The following POLG variants were observed in gnomAD, a reference collection of about 807,000 sequenced individuals.
The protein encoded by POLG is DNA polymerase gamma, catalytic subunit.
A neutral mutation model predicts 155.4 loss-of-function variants in POLG; 110 were observed. The observed-to-expected ratio is 0.71, with a 90% CI of 0.61 to 0.83. POLG has a LOEUF of 0.83. Ranked by LOEUF, POLG falls within the 40% of genes least tolerant of loss-of-function variation. The pLI, the probability that POLG is intolerant of heterozygous loss-of-function variation, is 0.00. For missense variants in POLG, 1,685 were observed against 1,627.5 expected, an observed-to-expected ratio of 1.04 and a Z score of -0.61; for synonymous variants, 701 against 631.5, an observed-to-expected ratio of 1.11 and a Z score of -1.65.
At chr15:89,317,961 G>A in intron 21 of POLG, 1 of 304,164 alleles carries the variant, frequency 3.3e-6, no homozygotes, top group Non-Finnish European at 6.4e-6. Context: ...ATAGATCATG[G>A]TTCCCAAACT....
chr15:89,329,854 G>A (rs941542692), intron 3 of POLG, among the ~76,000 whole-genome samples: 1 of 152,144 alleles, frequency 6.6e-6, no homozygotes, highest in African/African-American at 2.4e-5. Context: ...CAGAGACGAA[G>A]GCCATTATTA....
At position 89,319,049 on chromosome 15, in the gene POLG, C is replaced by A. The variant is rs769328030; in HGVS notation, c.3155G>T (p.Gly1052Val). The change falls in exon 20 of 23, where the codon GGC (glycine) becomes GTC (valine). Residue 1052 changes from glycine (G) to valine (V), a missense_variant. Transcript: ENST00000268124. ...CTTATTGAACATTTCTGACTCTGTG[C>A]CCCCCTTCCATGCCCGTTCAGCAAC... ...EVVAERAWKG[G>V]TESEMFNKLE... 1 of 1,614,054 alleles carries A rather than the reference C, an allele frequency of 6.2e-7. No homozygotes were observed. The highest frequency in any genetic ancestry group is 1.7e-5 in the Admixed American group (1 of 60,022).
In POLG at chr15:89,320,904, A is replaced by G; in HGVS notation, c.2843T>C (p.Ile948Thr). The change falls in exon 18 of 23, where the codon ATC becomes ACC. Residue 948 changes from isoleucine (I) to threonine (T), a missense_variant. This residue lies in a region of POLG where 470 missense variants were observed against 439.9 expected (regional missense o/e 1.07). Transcript: ENST00000268124. The part of the protein sequence containing the change: ...TVGISREHAK[I>T]FNYGRIYGAG... ...ACCATAGATGCGGCCGTAGTTGAAG[A>G]TTTTGGCATGCTCACGGCTGATGCC... 1.2e-6 allele frequency: 2 copies of G among 1,613,992 alleles called. No homozygotes were observed. Among genetic ancestry groups the G allele is most frequent in the African/African-American group, 1.3e-5 (1 of 75,048 alleles).
At chr15:89,324,341 T>A in intron 10 of POLG, 114 bp from the exon 11 acceptor site, 1 of 1,235,132 alleles carries the variant, frequency 8.1e-7, no homozygotes, top group Non-Finnish European at 1.2e-6. Flanking sequence ...GAATCAGCTC[T>A]GAGGCAGAAC....
chr15:89,318,927 A>G lies in POLG; in HGVS notation c.3273+4T>C. ...CTGCCCATGCTCCAAAGGTAGCAAG[A>G]TACCTCTTCCTGGACAGCCGAGGGC... On this transcript the variant is annotated splice_donor_region_variant and intron_variant, in intron 20 of 22. Transcript: ENST00000268124. 6.2e-7 allele frequency: 1 copy of G among 1,614,090 alleles called. No homozygotes were observed. Among genetic ancestry groups the G allele is most frequent in the Non-Finnish European group, 8.5e-7 (1 of 1,179,996 alleles).
chr15:89,321,838 A>C lies in POLG; in HGVS notation c.2496T>G (p.Asp832Glu), dbSNP rs762985241. 2.4e-5 allele frequency: 39 copies of C among 1,613,822 alleles called. No individual in the cohort carries two copies. Among genetic ancestry groups the C allele is most frequent in the Non-Finnish European group, 3.1e-5 (37 of 1,179,826 alleles). ...GGATGGCCCCATAGAGGCCTTCCTC[A>C]TCATAGTCGGGGTGCCTGGTGGGGT... is the stretch of plus-strand genomic sequence containing the variant. ...PRAVIRHPDY[D>E]EEGLYGAILP... Residue 832 changes from aspartate to glutamate, a missense_variant, in exon 16 of 23, where the codon GAT becomes GAG. By Grantham distance (45) the Asp-to-Glu change is conservative. Around this residue, in one of 3 missense-constraint regions of POLG, gnomAD observed 1,210 missense variants for 1,167.1 expected, o/e 1.04. Transcript: ENST00000268124.
chr15:89,323,071 G>A (rs557453297), intron 13 of POLG, among the ~76,000 whole-genome samples, 169 bp from the exon 14 acceptor site: 7 of 152,266 alleles, frequency 4.6e-5, no homozygotes, highest in Non-Finnish European at 8.8e-5. Context: ...ACACACACAC[G>A]TGCACACACA....
At position 89,316,606 on chromosome 15, in the gene POLG, A is replaced by T; in HGVS notation, c.*145T>A. The T allele has an allele frequency of 9.1e-7, 1 of 1,104,900 alleles. No individual in the cohort carries two copies. The highest frequency in any genetic ancestry group is 1.9e-5 in the Admixed American group (1 of 51,618). 68.4% of individuals were successfully genotyped at this position (1,104,900 alleles called of 1,614,324 possible). On this transcript the variant is annotated 3_prime_UTR_variant, in exon 23 of 23. Transcript: ENST00000268124. ...TTCAACTGCACCTTCAGTTAGAAGG[A>T]ATCTTCTTGGCAGGTCCTGCTACTG...
chr15:89,318,962 C>G lies in POLG; in HGVS notation c.3242G>C (p.Arg1081Pro), dbSNP rs140079523. The G allele has an allele frequency of 2.5e-6, 4 of 1,614,130 alleles. No individual in the cohort carries two copies. In the South Asian group the frequency reaches 4.4e-5, roughly 18 times the overall value. ...RTPVLGCCIS[R>P]ALEPSAVQEE... Reference sequence around the variant, plus strand: ...CTGGACAGCCGAGGGCTCCAGGGCTCGGCTGATGCAGCAGCCCAGCACCGG... The same window carrying G: ...CTGGACAGCCGAGGGCTCCAGGGCTGGGCTGATGCAGCAGCCCAGCACCGG... The change falls in exon 20 of 23, where the codon CGA (arginine) becomes CCA (proline). Residue 1081 changes from arginine (R) to proline (P), a missense_variant. Coordinates refer to ENST00000268124, the MANE Select transcript of POLG (RefSeq NM_002693.3).
In POLG at chr15:89,316,576, C is replaced by T; in HGVS notation, c.*175G>A. The T allele has an allele frequency of 8.8e-7, 1 of 1,138,382 alleles. No homozygotes were observed. Among genetic ancestry groups the T allele is most frequent in the East Asian group, 2.5e-5 (1 of 39,588 alleles). The allele number at this position is 1,138,382 out of a possible 1,614,324, so 70.5% of individuals were successfully genotyped here. On this transcript the variant is annotated 3_prime_UTR_variant, in exon 23 of 23. Coordinates refer to ENST00000268124, the MANE Select transcript of POLG (RefSeq NM_002693.3). ...TGTTGGCATCTTGGTTCTGAACCCA[C>T]TGAATTCAACTGCACCTTCAGTTAG...
In POLG at chr15:89,323,406, T is replaced by G. The variant is rs1213000733; in HGVS notation, c.2263A>C (p.Lys755Gln). 6.2e-7 allele frequency: 1 copy of G among 1,604,250 alleles called. No homozygotes were observed. Among genetic ancestry groups the G allele is most frequent in the Non-Finnish European group, 8.5e-7 (1 of 1,171,110 alleles). ...PGCWFFKLPH[K>Q]DGNSCNVGSP... ...ACAGGCCATGACCCAGGACACACCT[T>G]GTGAGGCAGCTTGAAAAACCAGCAG... The change falls in exon 13 of 23, where the codon AAG becomes CAG. Residue 755 changes from lysine to glutamine, a missense_variant and splice_region_variant. Around this residue, in one of 3 missense-constraint regions of POLG, gnomAD observed 1,210 missense variants for 1,167.1 expected, o/e 1.04. Transcript: ENST00000268124.
chr15:89,325,318 A>C, intron 10 of POLG, 132 bp downstream of exon 10: 1 of 656,250 alleles, frequency 1.5e-6, no homozygotes. Context: ...GTGTGTGTTA[A>C]TTTTTTTCCT....
chr15:89,323,051 GCGCGCA>G (rs1364464167), intron 13 of POLG, 149 bp from the exon 14 acceptor site: 21 of 756,376 alleles, frequency 2.8e-5, no homozygotes, highest in Admixed American at 7.2e-5. Context: ...ACGCGCGCAC[GCGCGCA>G]CGCACACACA....
At chr15:89,324,667 G>A (rs952171793) in intron 10 of POLG, among the ~76,000 whole-genome samples, 6 of 152,206 alleles carry the variant, frequency 3.9e-5, no homozygotes, top group Admixed American at 2.0e-4. Context: ...TTAATTCTGG[G>A]CCACTGTAAG....
intron 8 of POLG, 51 bp from the exon 9 acceptor site, chr15:89,326,789 A>G: frequency 6.2e-7 from 1 of 1,613,302 alleles, no homozygotes; most frequent in Non-Finnish European, 8.5e-7. Flanking sequence ...ACTCTCAATA[A>G]GATCTGCTCC....
chr15:89,325,841 T>G (rs1379820236), intron 9 of POLG, among the ~76,000 whole-genome samples, 155 bp from the exon 10 acceptor site: 2 of 152,146 alleles, frequency 1.3e-5, no homozygotes, highest in Non-Finnish European at 2.9e-5. Context: ...CTGGGATGCT[T>G]TAGCCAGGAC....
At chr15:89,332,219 TTATC>T (rs2055603118) in intron 2 of POLG, 1 of 152,250 alleles carries the variant, frequency 6.6e-6, no homozygotes. Context: ...AATGCCTACC[TTATC>T]TATTTAGCCA....
rs1423452317 is a variant in POLG, at chr15:89,328,977, T to C, written c.989A>G (p.Gln330Arg). 13 of 1,613,910 alleles carry C rather than the reference T, an allele frequency of 8.1e-6. No individual in the cohort carries two copies. The highest frequency in any genetic ancestry group is 1.0e-5 in the Non-Finnish European group (12 of 1,180,030). The change falls in exon 4 of 23, where the codon CAG becomes CGG. Residue 330 changes from glutamine to arginine, a missense_variant. By Grantham distance (43) the Gln-to-Arg change is conservative (BLOSUM62 1). Around this residue, in one of 3 missense-constraint regions of POLG, gnomAD observed 1,210 missense variants for 1,167.1 expected, o/e 1.04. Coordinates refer to ENST00000268124, the MANE Select transcript of POLG (RefSeq NM_002693.3). ...TCTTCTGGCTTTCCTCTGGGACTTC[T>C]GGCCTTGCTTTGTGGGGGGCTGGAC... ...HKVQPPTKQGQKSQRKARRGP... is the reference protein window; with the variant it reads ...HKVQPPTKQGRKSQRKARRGP...
In POLG at chr15:89,316,863, C is replaced by G. The variant is rs1352806686; in HGVS notation, c.3644-36G>C. On this transcript the variant is annotated intron_variant, in intron 22 of 22. Coordinates refer to ENST00000268124, the MANE Select transcript of POLG (RefSeq NM_002693.3). ...GTGCAAATTGGTTAGGATGCCACCT[C>G]AAGAACTGTAACTGAGAGCTCAGAA... The G allele has an allele frequency of 5.5e-6, 8 of 1,458,130 alleles. No individual in the cohort carries two copies. The South Asian group carries it at 9.1e-5, about 17-fold the overall frequency. 90.3% of individuals were successfully genotyped at this position (1,458,130 alleles called of 1,614,324 possible).
Sources: allele counts gnomAD v4.1 joint callset (sites outside exome capture counted in the v4.1 genomes callset), GRCh38; gene constraint gnomAD v4.1.1; regional missense constraint gnomAD v4.1.1; transcripts MANE v1.5; gene names NCBI Gene and HGNC (gene_info 2026-07-23, HGNC 2026-07-21).